Variants in ANKRD62 observed in about 807,000 individuals in gnomAD.
ANKRD62 encodes the protein ankyrin repeat domain 62, also known as ankyrin repeat domain-containing protein 62.
ANKRD62 carries 61 observed loss-of-function variants against 98.8 expected under a neutral mutation model. The observed-to-expected ratio is 0.62, with a 90% CI of 0.50 to 0.76. The LOEUF is 0.76. Among genes scored for constraint, ANKRD62 ranks in the 30% least tolerant of loss-of-function variants. The pLI, the probability that ANKRD62 is intolerant of heterozygous loss-of-function variation, is 0.00. For missense variants in ANKRD62, 933 were observed against 1,082.9 expected, an observed-to-expected ratio of 0.86 and a Z score of 1.94; for synonymous variants, 341 against 367.9, an observed-to-expected ratio of 0.93 and a Z score of 0.84.
chr18:12,099,584 G>A, intron 5 of ANKRD62, 31 bp from the exon 6 acceptor site: 1 of 1,362,316 alleles, frequency 7.3e-7, no homozygotes, highest in Non-Finnish European at 9.8e-7. Context: ...TATTAAAATA[G>A]TAATTGTATT....
intron 6 of ANKRD62, among the ~76,000 whole-genome samples, chr18:12,100,008 T>A (rs527239688): frequency 1.0e-3 from 157 of 152,296 alleles, no homozygotes; most frequent in Non-Finnish European, 1.9e-3. Flanking sequence ...TGAATTGGAT[T>A]TGTTATAACA....
chr18:12,132,046 G>T (rs1445656433), downstream of ANKRD62, among the ~76,000 whole-genome samples: 1 of 151,912 alleles, frequency 6.6e-6, no homozygotes, highest in Non-Finnish European at 1.5e-5. Flanking sequence ...TCTTAATAAT[G>T]ATGACTCTCT....
chr18:12,145,707 C>A, the ANKRD62 span, among the ~76,000 whole-genome samples: 1 of 152,178 alleles, frequency 6.6e-6, no homozygotes, highest in Non-Finnish European at 1.5e-5. Flanking sequence ...GAGAGGCGGG[C>A]CATCTTTGCC....
the ANKRD62 span, among the ~76,000 whole-genome samples, chr18:12,146,210 T>C: frequency 1.3e-5 from 2 of 152,176 alleles, no homozygotes; most frequent in Non-Finnish European, 2.9e-5. Flanking sequence ...CCTGACTTTG[T>C]GGGACCTCCC....
chr18:12,168,585 T>G, the ANKRD62 span, among the ~76,000 whole-genome samples: 2 of 152,220 alleles, frequency 1.3e-5, no homozygotes, highest in Non-Finnish European at 2.9e-5. Context: ...TTCAGCTTTG[T>G]TCTTTAGGCT....
chr18:12,097,270 C>A (rs1009426558), intron 4 of ANKRD62, among the ~76,000 whole-genome samples: 1 of 152,130 alleles, frequency 6.6e-6, no homozygotes, highest in Non-Finnish European at 1.5e-5. Context: ...ATTGACCCCA[C>A]GCTCATTTTG....
Position 12,094,044 on chromosome 18 carries a change from G to A in ANKRD62, c.27G>A (p.Ala9=). 3 of 1,535,160 alleles carry A rather than the reference G, an allele frequency of 2.0e-6. No individual in the cohort carries two copies. The highest frequency in any genetic ancestry group is 2.5e-5 in the East Asian group (1 of 40,660). MEVRGSFL[A]ACRRRMATWR... is the part of the protein sequence containing the mutation. ...TGGAGGTCAGGGGGTCGTTCCTGGC[G>A]GCCTGCAGGAGACGCATGGCTACCT... Residue 9 remains alanine, a synonymous_variant, in exon 1 of 14, where the codon GCG becomes GCA. Transcript: ENST00000587848.
chr18:12,117,346 G>A (rs1909686461), intron 10 of ANKRD62, among the ~76,000 whole-genome samples: 1 of 152,150 alleles, frequency 6.6e-6, no homozygotes, highest in African/African-American at 2.4e-5. Flanking sequence ...GCTCATTGAC[G>A]AAGACAAAAA....
At chr18:12,114,654 C>T (rs1176874521) in intron 8 of ANKRD62, among the ~76,000 whole-genome samples, 2 of 151,816 alleles carry the variant, frequency 1.3e-5, no homozygotes, top group African/African-American at 2.4e-5. Context: ...CAGTATGTCC[C>T]AAAAAGGCTA....
At chr18:12,103,950 A>C (rs1909362254) in intron 7 of ANKRD62, among the ~76,000 whole-genome samples, 1 of 152,122 alleles carries the variant, frequency 6.6e-6, no homozygotes, top group South Asian at 2.1e-4. Context: ...TTTGAATTAA[A>C]ATGTAAGAAT....
rs186579151 is a variant in ANKRD62, at chr18:12,115,096, G to A, written c.1073G>A (p.Arg358Lys). The change falls in exon 9 of 14, where the codon AGG becomes AAG. Residue 358 changes from arginine to lysine, a missense_variant. Transcript: ENST00000587848. ...KENGEFDRLA[R>K]KTSNEKSKVK... is the part of the protein sequence containing the mutation. Reference sequence around the variant, plus strand: ...TTTGGTTTTTTTTTTAGGCTTGCAAGGAAAACCTCTAATGAAAAGAGCAAG... The same window carrying A: ...TTTGGTTTTTTTTTTAGGCTTGCAAAGAAAACCTCTAATGAAAAGAGCAAG... 4.3e-6 allele frequency: 6 copies of A among 1,391,816 alleles called. No homozygotes were observed. The highest frequency in any genetic ancestry group is 6.2e-5 in the Admixed American group (2 of 32,282). 86.2% of individuals were successfully genotyped at this position (1,391,816 alleles called of 1,614,324 possible).
chr18:12,181,064 C>A, the ANKRD62 span, among the ~76,000 whole-genome samples: 1 of 150,554 alleles, frequency 6.6e-6, no homozygotes, highest in African/African-American at 2.4e-5. Context: ...ATGGACTGTA[C>A]CTCATATAAA....
the ANKRD62 span, among the ~76,000 whole-genome samples, chr18:12,138,947 G>A: frequency 0.011 from 1,610 of 152,266 alleles, 23 homozygotes; most frequent in African/African-American, 0.036. Flanking sequence ...CTCTGCACGT[G>A]AGATGGGTTT....
chr18:12,095,626 G>A lies in ANKRD62; in HGVS notation c.507+16G>A, dbSNP rs1235671428. ...AAGAAGCCAGGTATGATCAACCAAT[G>A]TTCTTTTCAAAGTATTTCAAGTATA... On this transcript the variant is annotated intron_variant, in intron 3 of 13. Coordinates refer to ENST00000587848, the MANE Select transcript of ANKRD62 (RefSeq NM_001277333.2). The A allele has an allele frequency of 3.4e-6, 5 of 1,471,570 alleles. No homozygotes were observed. The African/African-American group carries it at 7.1e-5, about 21-fold the overall frequency. 91.2% of individuals were successfully genotyped at this position (1,471,570 alleles called of 1,614,324 possible). A position where few individuals can be genotyped will look rare whatever the true frequency, so the allele number is the denominator to read the frequency against.
chr18:12,168,046 A>G, the ANKRD62 span, among the ~76,000 whole-genome samples: 2 of 152,044 alleles, frequency 1.3e-5, no homozygotes, highest in African/African-American at 2.4e-5. Flanking sequence ...CCTTTGTCCA[A>G]TGGGTAGATT....
intron 10 of ANKRD62, among the ~76,000 whole-genome samples, chr18:12,115,788 C>A (rs1909651768): frequency 1.3e-5 from 2 of 152,104 alleles, no homozygotes; most frequent in East Asian, 1.9e-4. Context: ...CTCCTCTATG[C>A]CTTTACCCAG....
chr18:12,093,982 C>G lies in ANKRD62; in HGVS notation c.-36C>G. On this transcript the variant is annotated 5_prime_UTR_variant, in exon 1 of 14. Coordinates refer to ENST00000587848, the MANE Select transcript of ANKRD62 (RefSeq NM_001277333.2). The stretch of plus-strand genomic sequence containing the variant: ...AGTGGGAGCTGAGGTGTCTTAAAGC[C>G]GTTCCTCAGCCTGGGAGAAGATCTC... The G allele has an allele frequency of 1.3e-6, 2 of 1,528,966 alleles. No individual in the cohort carries two copies. Among genetic ancestry groups the G allele is most frequent in the Non-Finnish European group, 1.8e-6 (2 of 1,142,198 alleles). The allele number at this position is 1,528,966 out of a possible 1,614,324, so 94.7% of individuals were successfully genotyped here.
At position 12,095,550 on chromosome 18, in the gene ANKRD62, G is replaced by T; in HGVS notation, c.447G>T (p.Glu149Asp). The T allele has an allele frequency of 1.9e-6, 3 of 1,548,224 alleles. No homozygotes were observed. The South Asian group carries it at 3.5e-5, about 18-fold the overall frequency. ...CTCTGCACTATGCCATTGATAATGA[G>T]AATATATCAATGGCAAGAAAACTGC... ...NTALHYAIDN[E>D]NISMARKLLA... The change falls in exon 3 of 14, where the codon GAG becomes GAT. Residue 149 changes from glutamate to aspartate, a missense_variant. By Grantham distance (45) the Glu-to-Asp change is conservative (BLOSUM62 2). This residue lies in a region of ANKRD62 where 549 missense variants were observed against 587.9 expected (regional missense o/e 0.93). Transcript: ENST00000587848.
chr18:12,115,351 A>G, intron 9 of ANKRD62, 42 bp from the exon 10 acceptor site: 2 of 1,496,838 alleles, frequency 1.3e-6, no homozygotes, highest in Non-Finnish European at 1.8e-6. Context: ...TATGCTATAA[A>G]TATTTCGAGG....
Sources: allele counts gnomAD v4.1 joint callset (sites outside exome capture counted in the v4.1 genomes callset), GRCh38; gene constraint gnomAD v4.1.1; regional missense constraint gnomAD v4.1.1; transcripts MANE v1.5; gene names NCBI Gene and HGNC (gene_info 2026-07-23, HGNC 2026-07-21).